MACF1: variants seen among roughly 807,000 people sequenced by gnomAD.
MACF1 encodes the protein microtubule actin crosslinking factor 1.
A neutral mutation model predicts 854.8 loss-of-function variants in MACF1; 193 were observed. That is an observed-to-expected ratio of 0.23 (90% CI 0.20 to 0.25). The LOEUF is 0.25. MACF1 is among the 10% of genes least tolerant of loss of function. MACF1 has a pLI of 1.00. For synonymous variants in MACF1, 3,185 were observed against 3,226.7 expected (o/e 0.99, Z 0.44); for missense variants, 7,722 against 8,929.1 (o/e 0.86, Z 5.45).
Position 39,357,477 on chromosome 1 carries a change from G to A in MACF1, c.11527G>A (p.Glu3843Lys), listed in dbSNP as rs528154810. ...GCATGGCCACAATCTCACACCTGAGGAGCAACAGATGCTGCAACAGAAGCT... is the reference window on the plus strand; with the variant it reads ...GCATGGCCACAATCTCACACCTGAGAAGCAACAGATGCTGCAACAGAAGCT... ...DQHGHNLTPE[E>K]QQMLQQKLGE... The change falls in exon 45 of 101, where the codon GAG becomes AAG. Residue 3843 changes from glutamate to lysine, a missense_variant. Physicochemically the swap from Glu to Lys is moderately conservative, Grantham distance 56. Around this residue, in one of 15 missense-constraint regions of MACF1, gnomAD observed 2,807 missense variants for 3,235.8 expected, o/e 0.87. Coordinates refer to ENST00000564288, the MANE Select transcript of MACF1 (RefSeq NM_001394062.1). The A allele has an allele frequency of 1.2e-6, 2 of 1,614,102 alleles. No individual in the cohort carries two copies. The highest frequency in any genetic ancestry group is 3.3e-5 in the Admixed American group (2 of 60,012).
intron 2 of MACF1, among the ~76,000 whole-genome samples, chr1:39,175,321 A>T (rs1644008817): frequency 6.6e-6 from 1 of 152,244 alleles, no homozygotes; most frequent in South Asian, 2.1e-4. Flanking sequence ...CATATGAAAT[A>T]GTTGGCCTGT....
intron 98 of MACF1, 28 bp downstream of exon 98, chr1:39,480,037 C>A (rs902997751): frequency 7.0e-7 from 1 of 1,432,064 alleles, no homozygotes. Context: ...TTATGCCCTT[C>A]TTCCCCAATC....
intron 6 of MACF1, among the ~76,000 whole-genome samples, chr1:39,275,904 C>T (rs765014172): frequency 2.2e-4 from 21 of 93,872 alleles, no homozygotes; most frequent in Non-Finnish European, 3.7e-4. Flanking sequence ...TGCATTGTGC[C>T]TTCATCTGCT....
At chr1:39,195,638 T>C (rs1172517647) in intron 2 of MACF1, among the ~76,000 whole-genome samples, 1 of 152,172 alleles carries the variant, frequency 6.6e-6, no homozygotes, top group African/African-American at 2.4e-5. Context: ...AGTACTGGCT[T>C]TAAGCTGGTC....
At chr1:39,146,399 C>A (rs571418340) in intron 2 of MACF1, among the ~76,000 whole-genome samples, 3 of 150,578 alleles carry the variant, frequency 2.0e-5, no homozygotes, top group Non-Finnish European at 4.4e-5. Flanking sequence ...GCTGAGATTA[C>A]GTCACTGCAC....
chr1:39,362,446 C>G (rs567412183), intron 49 of MACF1, among the ~76,000 whole-genome samples: 2 of 152,330 alleles, frequency 1.3e-5, no homozygotes, highest in East Asian at 3.9e-4. Context: ...CCAGCATACT[C>G]TTCACCTAGA....
intron 2 of MACF1, among the ~76,000 whole-genome samples, chr1:39,185,813 G>A (rs958970069): frequency 5.3e-5 from 8 of 152,270 alleles, no homozygotes; most frequent in Admixed American, 1.3e-4. Context: ...CTCCCTGCTA[G>A]CAGCCATCTC....
chr1:39,187,051 G>A (rs1644183349), intron 2 of MACF1, among the ~76,000 whole-genome samples: 1 of 148,050 alleles, frequency 6.8e-6, no homozygotes, highest in African/African-American at 2.5e-5. Flanking sequence ...TTAGGGTTTA[G>A]TTTTTTTATT....
chr1:39,260,000 A>C (rs754877920), intron 6 of MACF1, among the ~76,000 whole-genome samples: 14 of 152,262 alleles, frequency 9.2e-5, no homozygotes, highest in Middle Eastern at 3.4e-3. Flanking sequence ...GTTCGCTAAG[A>C]TTCTCCAAAG....
chr1:39,265,197 C>T (rs2148351338), intron 6 of MACF1, among the ~76,000 whole-genome samples: 1 of 152,096 alleles, frequency 6.6e-6, no homozygotes, highest in African/African-American at 2.4e-5. Context: ...GTTTTGTGCA[C>T]TTTATGGCAC....
intron 2 of MACF1, among the ~76,000 whole-genome samples, chr1:39,199,591 G>T (rs1288238371): frequency 6.6e-6 from 1 of 152,042 alleles, no homozygotes; most frequent in Non-Finnish European, 1.5e-5. Context: ...ATAAAATGGG[G>T]TAATAATATA....
intron 31 of MACF1, among the ~76,000 whole-genome samples, chr1:39,320,868 G>T (rs957740102): frequency 1.3e-5 from 2 of 152,158 alleles, no homozygotes; most frequent in Non-Finnish European, 2.9e-5. Context: ...TCCTCAAGAG[G>T]CTGAGGTAGG....
chr1:39,298,555 TC>T, intron 21 of MACF1: 1 of 356,888 alleles, frequency 2.8e-6, no homozygotes, highest in Non-Finnish European at 5.5e-6. Context: ...AATAGAAAAG[TC>T]TGAATAAGAG....
intron 15 of MACF1, among the ~76,000 whole-genome samples, chr1:39,290,687 G>T (rs1221436294): frequency 8.2e-5 from 8 of 97,720 alleles, no homozygotes; most frequent in Non-Finnish European, 1.2e-4. Flanking sequence ...TTTTTTTTGA[G>T]ATGGAGTTTC....
chr1:39,262,397 C>CAA (rs56376033), intron 6 of MACF1, among the ~76,000 whole-genome samples: 23,921 of 68,762 alleles, frequency 0.35, 6,428 homozygotes, highest in Non-Finnish European at 0.41. Flanking sequence ...GACTCCATCA[C>CAA]AAAAAAAAAA....
intron 97 of MACF1, among the ~76,000 whole-genome samples, chr1:39,474,064 GGCAACATA>G (rs1414104849): frequency 6.6e-6 from 1 of 152,036 alleles, no homozygotes; most frequent in Non-Finnish European, 1.5e-5. Context: ...GACCAGCCTG[GGCAACATA>G]GCAAGACCCC....
At position 39,357,433 on chromosome 1, in the gene MACF1, C is replaced by T; in HGVS notation, c.11483C>T (p.Ala3828Val). 1 of 1,614,204 alleles carries T rather than the reference C, an allele frequency of 6.2e-7. No individual in the cohort carries two copies. Among genetic ancestry groups the T allele is most frequent in the Non-Finnish European group, 8.5e-7 (1 of 1,180,046 alleles). Residue 3828 changes from alanine (A) to valine (V), a missense_variant, in exon 45 of 101, where the codon GCT becomes GTT. By Grantham distance (64) the Ala-to-Val change is moderately conservative (BLOSUM62 0). Around this residue, in one of 15 missense-constraint regions of MACF1, gnomAD observed 2,807 missense variants for 3,235.8 expected, o/e 0.87. Coordinates refer to ENST00000564288, the MANE Select transcript of MACF1 (RefSeq NM_001394062.1). ...AATTTCATTCTGGCCACCCAGTCAG[C>T]TCAGGCCTTCTTGGATCAGCATGGC... ...QQNFILATQS[A>V]QAFLDQHGHN... is the part of the protein sequence containing the mutation.
chr1:39,451,282 A>C, intron 85 of MACF1, 71 bp downstream of exon 85: 1 of 1,427,802 alleles, frequency 7.0e-7, no homozygotes, highest in Non-Finnish European at 9.4e-7. Flanking sequence ...GGTCTTCTAC[A>C]TATGACTGCC....
At chr1:39,315,487 C>CT (rs1557582914) in intron 26 of MACF1, 26 bp from the exon 27 acceptor site, 3 of 1,612,238 alleles carry the variant, frequency 1.9e-6, no homozygotes, top group Non-Finnish European at 2.5e-6. Flanking sequence ...CTGTCTCCCT[C>CT]TTTATGTGTG....
Sources: gnomAD v4.1 joint callset for allele counts (sites outside exome capture counted in the v4.1 genomes callset) on GRCh38, gnomAD v4.1.1 for gene constraint, gnomAD v4.1.1 regional missense constraint, MANE v1.5 for transcripts, NCBI Gene and HGNC (gene_info 2026-07-23, HGNC 2026-07-21) for gene names.